ECT2L: variants seen among roughly 807,000 people sequenced by gnomAD.
ECT2L encodes the protein epithelial cell-transforming sequence 2 oncogene-like.
In ECT2L, 126 loss-of-function variants were observed where a neutral mutation model predicts 122.8. That is an observed-to-expected ratio of 1.03 (90% CI 0.89 to 1.19). The LOEUF is 1.19. Ranked by LOEUF, ECT2L falls within the 50% of genes most tolerant of loss-of-function variation. ECT2L has a pLI of 0.00. For missense variants in ECT2L, 1,012 were observed against 1,064.1 expected (o/e 0.95, Z 0.68); for synonymous variants, 385 against 381.8 (o/e 1.01, Z -0.10).
At chr6:138,809,849 G>T (rs1775833269) in intron 1 of ECT2L, among the ~76,000 whole-genome samples, 1 of 152,128 alleles carries the variant, frequency 6.6e-6, no homozygotes, top group Non-Finnish European at 1.5e-5. Context: ...ACAGAAATCG[G>T]TTCCAGGAGT....
At chr6:138,888,636 CCTT>C (rs1778911690) in intron 19 of ECT2L, among the ~76,000 whole-genome samples, 2 of 152,180 alleles carry the variant, frequency 1.3e-5, no homozygotes, top group South Asian at 4.2e-4. Flanking sequence ...TTAATAGCTA[CCTT>C]CTTATCCCCC....
chr6:138,888,319 T>TTC (rs200768385), intron 19 of ECT2L, among the ~76,000 whole-genome samples: 10,906 of 140,380 alleles, frequency 0.078, 895 homozygotes, highest in East Asian at 0.2. Context: ...TTTCTTTTCT[T>TTC]TTTTTTTTTT....
At position 138,799,296 on chromosome 6, in the gene ECT2L, C is replaced by T. The variant is rs957606579; in HGVS notation, c.-244+3104C>T. Among the ~76,000 whole-genome samples, 11 of 152,176 alleles carry T rather than the reference C, an allele frequency of 7.2e-5. No individual in the cohort carries two copies. The South Asian group carries it at 2.3e-3, about 32-fold the overall frequency. Reference sequence around the variant, plus strand: ...TGAGACGGAGTCTCGCTCTGTCACCCAGGCTGGAGTGCAGTGGCACGATCT... The same window carrying T: ...TGAGACGGAGTCTCGCTCTGTCACCTAGGCTGGAGTGCAGTGGCACGATCT... On this transcript the variant is annotated intron_variant, in intron 1 of 21. Transcript: ENST00000541398.
intron 18 of ECT2L, among the ~76,000 whole-genome samples, 174 bp from the exon 19 acceptor site, chr6:138,886,683 G>A (rs929171982): frequency 6.6e-6 from 1 of 152,106 alleles, no homozygotes; most frequent in African/African-American, 2.4e-5. Flanking sequence ...CTCCCAAATT[G>A]CTGGGATTAC....
chr6:138,901,194 G>A, intron 21 of ECT2L, 74 bp downstream of exon 21: 1 of 1,408,324 alleles, frequency 7.1e-7, no homozygotes, highest in Admixed American at 2.2e-5. Context: ...TAACAGAACA[G>A]TAGAAAAAGG....
chr6:138,879,531 A>T (rs1007503588), intron 14 of ECT2L: 3 of 152,240 alleles, frequency 2.0e-5, no homozygotes, highest in Non-Finnish European at 4.4e-5. Context: ...GAAATATGCA[A>T]ATAAAAGAAA....
At chr6:138,799,316 C>G (rs1388295431) in intron 1 of ECT2L, among the ~76,000 whole-genome samples, 3 of 151,780 alleles carry the variant, frequency 2.0e-5, no homozygotes, top group Non-Finnish European at 4.4e-5. Flanking sequence ...TGCAGTGGCA[C>G]GATCTCGGCT....
chr6:138,872,447 G>A (rs773981312), intron 13 of ECT2L, among the ~76,000 whole-genome samples: 7 of 152,168 alleles, frequency 4.6e-5, no homozygotes, highest in South Asian at 2.1e-4. Context: ...CAGAACGCAC[G>A]GGCTGGGATG....
At chr6:138,846,774 C>G (rs935121177) in intron 8 of ECT2L, 97 bp downstream of exon 8, 7 of 1,267,076 alleles carry the variant, frequency 5.5e-6, no homozygotes, top group Non-Finnish European at 7.2e-6. Flanking sequence ...CTTTTGGCCA[C>G]CATGTGTATG....
chr6:138,890,696 T>C (rs1778994344), intron 20 of ECT2L, among the ~76,000 whole-genome samples: 1 of 152,072 alleles, frequency 6.6e-6, no homozygotes, highest in South Asian at 2.1e-4. Context: ...TTACATAAGT[T>C]TGATTTTCTA....
rs1296839255 is a variant in ECT2L at position 138,817,170 on chromosome 6, G to A, written c.179+2567G>A. On this transcript the variant is annotated intron_variant, in intron 4 of 21. Transcript: ENST00000541398. Reference sequence around the variant, plus strand: ...CCAAATATTATCCCATTGTATGGATGTGCCATATTTTATTTATCCACTCCT... The same window carrying A: ...CCAAATATTATCCCATTGTATGGATATGCCATATTTTATTTATCCACTCCT... Among the ~76,000 whole-genome samples the A allele has an allele frequency of 2.0e-5, 3 of 152,166 alleles. 1 individual carries two copies. Among genetic ancestry groups the A allele is most frequent in the Admixed American group, 1.3e-4 (2 of 15,276 alleles).
chr6:138,803,331 C>CAT (rs1715930599), intron 1 of ECT2L, among the ~76,000 whole-genome samples: 2 of 151,832 alleles, frequency 1.3e-5, no homozygotes, highest in African/African-American at 4.8e-5. Context: ...CACACACACA[C>CAT]ACACACACAC....
chr6:138,878,819 C>T (rs1403353013), intron 14 of ECT2L: 5 of 152,172 alleles, frequency 3.3e-5, no homozygotes, highest in African/African-American at 7.2e-5. Context: ...CCATTAGCCA[C>T]GAATACATTA....
Position 138,813,233 on chromosome 6 carries a change from G to A in ECT2L, c.-42G>A, listed in dbSNP as rs764990525. 5.2e-5 allele frequency: 79 copies of A among 1,519,266 alleles called. No homozygotes were observed. The highest frequency in any genetic ancestry group is 3.4e-4 in the Middle Eastern group (2 of 5,856). The allele number at this position is 1,519,266 out of a possible 1,614,324, so 94.1% of individuals were successfully genotyped here. A position where few individuals can be genotyped will look rare whatever the true frequency, so the allele number is the denominator to read the frequency against. ...AGTTTCTAGAAGTGGAAGAAAATTT[G>A]CTGAGACGTCAGCTGGGGATTCTTC... On this transcript the variant is annotated 5_prime_UTR_variant, in exon 3 of 22. Transcript: ENST00000541398.
intron 20 of ECT2L, among the ~76,000 whole-genome samples, chr6:138,896,212 T>C (rs917145372): frequency 2.8e-4 from 43 of 151,986 alleles, no homozygotes; most frequent in Non-Finnish European, 4.7e-4. Flanking sequence ...ATTACAGGCG[T>C]GAGCCACTGC....
At chr6:138,858,668 TA>T (rs1383839342) in intron 10 of ECT2L, among the ~76,000 whole-genome samples, 1 of 148,588 alleles carries the variant, frequency 6.7e-6, no homozygotes, top group East Asian at 2.0e-4. Context: ...TTCTTTCACA[TA>T]TATTAGTTTT....
intron 11 of ECT2L, among the ~76,000 whole-genome samples, chr6:138,864,002 T>TAAAAAAAAAAAAAA (rs1172466449): frequency 1.8e-5 from 1 of 55,872 alleles, no homozygotes; most frequent in African/African-American, 7.8e-5. Context: ...TCTCCGTATT[T>TAAAAAAAAAAAAAA]AAAAAAAAAA....
chr6:138,814,425 G>C, intron 3 of ECT2L, 66 bp from the exon 4 acceptor site: 1 of 990,304 alleles, frequency 1.0e-6, no homozygotes, highest in Non-Finnish European at 1.5e-6. Flanking sequence ...ATTGTCTAAA[G>C]ATTGCTTAGC....
In ECT2L at chr6:138,813,222, G is replaced by A; in HGVS notation, c.-53G>A. Reference sequence around the variant, plus strand: ...AATAAACCTGTAGTTTCTAGAAGTGGAAGAAAATTTGCTGAGACGTCAGCT... The same window carrying A: ...AATAAACCTGTAGTTTCTAGAAGTGAAAGAAAATTTGCTGAGACGTCAGCT... On this transcript the variant is annotated 5_prime_UTR_variant, in exon 3 of 22. Coordinates refer to ENST00000541398, the MANE Select transcript of ECT2L (RefSeq NM_001077706.3). 7.1e-7 allele frequency: 1 copy of A among 1,413,388 alleles called. No individual in the cohort carries two copies. Among genetic ancestry groups the A allele is most frequent in the South Asian group, 1.2e-5 (1 of 80,870 alleles). 87.6% of individuals were successfully genotyped at this position (1,413,388 alleles called of 1,614,324 possible).
Sources: gnomAD v4.1 joint callset for allele counts (sites outside exome capture counted in the v4.1 genomes callset) on GRCh38, gnomAD v4.1.1 for gene constraint, MANE v1.5 for transcripts, NCBI Gene and HGNC (gene_info 2026-07-23, HGNC 2026-07-21) for gene names.